Variants in GKAP1 observed in about 807,000 individuals in gnomAD.
GKAP1 encodes the protein G kinase-anchoring protein 1.
Under a neutral mutation model 56.7 loss-of-function variants are expected in GKAP1, and 31 were observed. That is an observed-to-expected ratio of 0.55 (90% CI 0.41 to 0.74). GKAP1 has a LOEUF of 0.74. Among genes scored for constraint, GKAP1 ranks in the 30% least tolerant of loss-of-function variants. The pLI, the probability that GKAP1 is intolerant of heterozygous loss-of-function variation, is 0.00. For synonymous variants in GKAP1, 151 were observed against 138.6 expected, an observed-to-expected ratio of 1.09 and a Z score of -0.63; for missense variants, 364 against 402.3, an observed-to-expected ratio of 0.90 and a Z score of 0.82.
In GKAP1 at chr9:83,815,064, C is replaced by T. The variant is rs188516443; in HGVS notation, c.-44+1932G>A. 3.4e-3 allele frequency among the ~76,000 whole-genome samples: 514 copies of T among 152,114 alleles called. 3 individuals carry two copies. The highest frequency in any genetic ancestry group is 3.3e-3 in the South Asian group (16 of 4,814). On this transcript the variant is annotated intron_variant, in intron 2 of 12. Coordinates refer to ENST00000376371, the MANE Select transcript of GKAP1 (RefSeq NM_025211.4). ...GCGCACGCCTGTAGTCCCAGCTACTCGGGAGGCTGAGGCAGGAGAATCGCT... is the reference window on the plus strand; with the variant it reads ...GCGCACGCCTGTAGTCCCAGCTACTTGGGAGGCTGAGGCAGGAGAATCGCT...
chr9:83,743,397 T>A (rs950614148), intron 10 of GKAP1, among the ~76,000 whole-genome samples: 7 of 151,142 alleles, frequency 4.6e-5, no homozygotes, highest in African/African-American at 1.7e-4. Context: ...GGGTTCAAAA[T>A]CAGCCTGGCC....
At position 83,748,294 on chromosome 9, in the gene GKAP1, A is replaced by G. The variant is rs145264205; in HGVS notation, c.904+15T>C. The G allele has an allele frequency of 5.8e-6, 9 of 1,554,064 alleles. No homozygotes were observed. In the East Asian group the frequency reaches 2.0e-4, roughly 35 times the overall value. On this transcript the variant is annotated intron_variant, in intron 10 of 12. Transcript: ENST00000376371. Reference sequence around the variant, plus strand: ...AAGATAAACTTTTAATTACAAAAACATAAAATCCACTTACTTTCACCTTCC... The same window carrying G: ...AAGATAAACTTTTAATTACAAAAACGTAAAATCCACTTACTTTCACCTTCC...
chr9:83,775,269 G>C (rs1316584663), intron 7 of GKAP1, among the ~76,000 whole-genome samples: 2 of 152,142 alleles, frequency 1.3e-5, no homozygotes, highest in African/African-American at 4.8e-5. Flanking sequence ...AGCCTCTGAA[G>C]TAGCTGGCAT....
At chr9:83,788,557 C>T in intron 5 of GKAP1, 44 bp downstream of exon 5, 3 of 1,119,020 alleles carry the variant, frequency 2.7e-6, no homozygotes, top group Non-Finnish European at 3.9e-6. Context: ...AACCTCTCAC[C>T]ACTTAAACTT....
chr9:83,791,815 T>A (rs1260763421), intron 4 of GKAP1, among the ~76,000 whole-genome samples: 1 of 151,962 alleles, frequency 6.6e-6, no homozygotes, highest in Non-Finnish European at 1.5e-5. Flanking sequence ...AAAAAGAAGA[T>A]CAACAACAAA....
chr9:83,800,628 G>A (rs1944317266), intron 3 of GKAP1, among the ~76,000 whole-genome samples: 1 of 152,034 alleles, frequency 6.6e-6, no homozygotes, highest in Non-Finnish European at 1.5e-5. Context: ...GAGCCACCGC[G>A]CCCGGCCCCC....
At chr9:83,748,424 T>C in intron 9 of GKAP1, 52 bp from the exon 10 acceptor site, 2 of 1,031,960 alleles carry the variant, frequency 1.9e-6, no homozygotes, top group Non-Finnish European at 2.9e-6. Flanking sequence ...GTGATATAAT[T>C]AATGATTTAC....
At chr9:83,812,963 G>T (rs1944533130) in intron 2 of GKAP1, among the ~76,000 whole-genome samples, 1 of 152,148 alleles carries the variant, frequency 6.6e-6, no homozygotes, top group Non-Finnish European at 1.5e-5. Context: ...TGCAATCCAG[G>T]AATTCCTCTG....
intron 4 of GKAP1, among the ~76,000 whole-genome samples, chr9:83,791,446 A>T (rs1017616237): frequency 6.6e-6 from 1 of 152,196 alleles, no homozygotes; most frequent in Admixed American, 6.5e-5. Flanking sequence ...TTAAAGTAAA[A>T]ACATATGGCC....
At chr9:83,797,662 G>A (rs947030230) in intron 4 of GKAP1, among the ~76,000 whole-genome samples, 1 of 152,126 alleles carries the variant, frequency 6.6e-6, no homozygotes, top group African/African-American at 2.4e-5. Flanking sequence ...ATAGGATCAG[G>A]GCCAAGTCAC....
At chr9:83,771,729 T>C (rs746978133) in intron 7 of GKAP1, among the ~76,000 whole-genome samples, 18 of 152,194 alleles carry the variant, frequency 1.2e-4, no homozygotes, top group South Asian at 6.2e-4. Context: ...CTTCATAAAA[T>C]AGTTCCAGTA....
intron 8 of GKAP1, among the ~76,000 whole-genome samples, chr9:83,763,989 A>C (rs1943619244): frequency 6.6e-6 from 1 of 152,214 alleles, no homozygotes; most frequent in African/African-American, 2.4e-5. Context: ...AAAGGCCTTG[A>C]GGAACCTAAG....
At chr9:83,814,050 G>A (rs1403748639) in intron 2 of GKAP1, among the ~76,000 whole-genome samples, 1 of 151,828 alleles carries the variant, frequency 6.6e-6, no homozygotes, top group Admixed American at 6.6e-5. Flanking sequence ...AGTGAGCAGT[G>A]ATTGTGCCAC....
Position 83,806,346 on chromosome 9 carries a change from T to G in GKAP1, c.172A>C (p.Lys58Gln). 1 of 1,555,974 alleles carries G rather than the reference T, an allele frequency of 6.4e-7. No homozygotes were observed. The highest frequency in any genetic ancestry group is 8.7e-7 in the Non-Finnish European group (1 of 1,149,136). ...TGCTGTTCCTTCTTTTTTCTTCTTT[T>G]CTCTCTTTTTTTCTCATTTGTAGTT... ...KSTTNEKKRE[K>Q]RRKKKEQQQS... The change falls in exon 3 of 13, where the codon AAA becomes CAA. Residue 58 changes from lysine (K) to glutamine (Q), a missense_variant. Transcript: ENST00000376371.
At chr9:83,774,565 G>A (rs189354997) in intron 7 of GKAP1, among the ~76,000 whole-genome samples, 118 of 151,218 alleles carry the variant, frequency 7.8e-4, no homozygotes, top group Middle Eastern at 6.8e-3. Flanking sequence ...TTGCACTCCA[G>A]CCTGGGTGAC....
intron 4 of GKAP1, among the ~76,000 whole-genome samples, chr9:83,795,030 C>T (rs1258224306): frequency 6.6e-6 from 1 of 151,992 alleles, no homozygotes; most frequent in Non-Finnish European, 1.5e-5. Flanking sequence ...GTGGCACATG[C>T]CTGTAATCCC....
chr9:83,774,682 TATCA>T (rs1277521200), intron 7 of GKAP1, among the ~76,000 whole-genome samples: 2 of 138,466 alleles, frequency 1.4e-5, no homozygotes, highest in Admixed American at 1.5e-4. Flanking sequence ...CAAAAGAAAC[TATCA>T]ATAAACAGAA....
intron 4 of GKAP1, among the ~76,000 whole-genome samples, chr9:83,796,656 G>A (rs917759882): frequency 4.0e-5 from 6 of 151,842 alleles, no homozygotes; most frequent in Admixed American, 2.0e-4. Context: ...TAGTAGAGAC[G>A]GGACTTCTCC....
intron 8 of GKAP1, among the ~76,000 whole-genome samples, chr9:83,766,721 T>C (rs1180676617): frequency 6.6e-6 from 1 of 152,218 alleles, no homozygotes; most frequent in Non-Finnish European, 1.5e-5. Flanking sequence ...ATGGCTATTG[T>C]AGGAATCTGT....
Sources: allele counts gnomAD v4.1 joint callset (sites outside exome capture counted in the v4.1 genomes callset), GRCh38; gene constraint gnomAD v4.1.1; transcripts MANE v1.5; gene names NCBI Gene and HGNC (gene_info 2026-07-23, HGNC 2026-07-21).